Variants in TNFAIP8 observed in about 807,000 individuals in gnomAD.
TNFAIP8 encodes the protein tumor necrosis factor alpha-induced protein 8.
Under a neutral mutation model 13.3 loss-of-function variants are expected in TNFAIP8, and 7 were observed. The ratio of observed to expected loss-of-function variants is 0.52; its 90% CI spans 0.30 to 0.99. The LOEUF is 0.99. Among genes scored for constraint, TNFAIP8 ranks in the 50% least tolerant of loss-of-function variants. The pLI is 0.07. For synonymous variants in TNFAIP8, 94 were observed against 87.6 expected (o/e 1.07, Z -0.41); for missense variants, 258 against 236.9 (o/e 1.09, Z -0.58).
At chr5:119,387,610 G>A (rs1752731008) in intron 1 of TNFAIP8, among the ~76,000 whole-genome samples, 1 of 152,106 alleles carries the variant, frequency 6.6e-6, no homozygotes, top group East Asian at 1.9e-4. Context: ...AATAACAAAG[G>A]ACTTTTTTTT....
intron 1 of TNFAIP8, among the ~76,000 whole-genome samples, chr5:119,309,550 C>G (rs1017581694): frequency 2.6e-5 from 4 of 152,130 alleles, no homozygotes; most frequent in Non-Finnish European, 4.4e-5. Flanking sequence ...AAGAAGATGG[C>G]TCTCAAGACT....
chr5:119,356,696 C>G (rs748678437), intron 1 of TNFAIP8, among the ~76,000 whole-genome samples: 10 of 152,064 alleles, frequency 6.6e-5, no homozygotes, highest in Admixed American at 1.3e-4. Context: ...CCTTGTGCAG[C>G]TTGAAACTGA....
chr5:119,295,259 T>TG (rs1749139269), intron 1 of TNFAIP8, among the ~76,000 whole-genome samples: 1 of 92,490 alleles, frequency 1.1e-5, no homozygotes, highest in Non-Finnish European at 2.1e-5. Context: ...TAGTCTAACG[T>TG]TAGACCTATA....
intron 1 of TNFAIP8, among the ~76,000 whole-genome samples, chr5:119,278,399 G>A (rs977337480): frequency 3.3e-5 from 5 of 150,360 alleles, no homozygotes; most frequent in African/African-American, 1.2e-4. Context: ...GTGTGTGTGT[G>A]TGTGTGTGTG....
At chr5:119,327,953 CTTCT>C (rs1296194647) in intron 1 of TNFAIP8, among the ~76,000 whole-genome samples, 1 of 151,902 alleles carries the variant, frequency 6.6e-6, no homozygotes, top group Non-Finnish European at 1.5e-5. Flanking sequence ...AGAAAAGAAG[CTTCT>C]GCTTGAAAGT....
chr5:119,366,783 A>G (rs1751873671), intron 1 of TNFAIP8, among the ~76,000 whole-genome samples: 1 of 152,168 alleles, frequency 6.6e-6, no homozygotes, highest in Non-Finnish European at 1.5e-5. Flanking sequence ...TTAGGGGTAG[A>G]ACTGGTTTAA....
chr5:119,356,390 G>A (rs753418886), intron 1 of TNFAIP8, among the ~76,000 whole-genome samples: 2 of 151,900 alleles, frequency 1.3e-5, no homozygotes, highest in Non-Finnish European at 2.9e-5. Context: ...GCTTTCTCTG[G>A]AAACGAAAGA....
intron 1 of TNFAIP8, among the ~76,000 whole-genome samples, chr5:119,364,534 GAC>G (rs1289580285): frequency 6.6e-6 from 1 of 152,044 alleles, no homozygotes; most frequent in African/African-American, 2.4e-5. Context: ...GTTTTGTAGA[GAC>G]AAGGTCTCAC....
At position 119,369,704 on chromosome 5, in the gene TNFAIP8, T is replaced by C. The variant is rs190524155; in HGVS notation, c.31+13583T>C. On this transcript the variant is annotated intron_variant, in intron 1 of 1. Coordinates refer to ENST00000504771, the MANE Select transcript of TNFAIP8 (RefSeq NM_014350.4). ...AGTTGTATCATCCATGGTACCACAG[T>C]CTGTCAAAACCACACCAGACATTGA... Among the ~76,000 whole-genome samples, 4 of 152,334 alleles carry C rather than the reference T, an allele frequency of 2.6e-5. No homozygotes were observed. In the East Asian group the frequency reaches 7.7e-4, roughly 29 times the overall value.
intron 1 of TNFAIP8, among the ~76,000 whole-genome samples, chr5:119,332,026 G>C (rs1345104623): frequency 6.6e-6 from 1 of 152,156 alleles, no homozygotes; most frequent in East Asian, 1.9e-4. Flanking sequence ...GTCAGAATTT[G>C]GGGAGATAAC....
intron 1 of TNFAIP8, among the ~76,000 whole-genome samples, chr5:119,342,253 G>C (rs1750761949): frequency 6.6e-6 from 1 of 152,214 alleles, no homozygotes; most frequent in Non-Finnish European, 1.5e-5. Context: ...GCCTCTCAGA[G>C]ATAGCACCTT....
intron 1 of TNFAIP8, among the ~76,000 whole-genome samples, chr5:119,288,461 G>C (rs1464205849): frequency 6.6e-6 from 1 of 152,192 alleles, no homozygotes; most frequent in African/African-American, 2.4e-5. Flanking sequence ...GATGTTTGCA[G>C]CACAATCAAT....
chr5:119,382,536 G>A (rs956345181), intron 1 of TNFAIP8, among the ~76,000 whole-genome samples: 10 of 152,148 alleles, frequency 6.6e-5, no homozygotes, highest in Middle Eastern at 6.8e-3. Context: ...CCAGCAGAAC[G>A]TTTACAGTAT....
rs1020418125 is a variant in TNFAIP8, at chr5:119,333,607, C to T, written c.2-59209C>T. On this transcript the variant is annotated intron_variant, in intron 1 of 1. Coordinates refer to the TNFAIP8 transcript ENST00000274456. ...CTGTGAAGTTGTCCTTCTGATTGCA[C>T]ACGGGGAGAAAATGCTGAAACTAGG... 2.4e-5 allele frequency: 37 copies of T among 1,535,508 alleles called. No homozygotes were observed. In the African/African-American group the frequency reaches 4.5e-4, roughly 19 times the overall value.
chr5:119,391,773 A>G (rs1005000005), intron 1 of TNFAIP8, among the ~76,000 whole-genome samples: 2 of 152,078 alleles, frequency 1.3e-5, no homozygotes, highest in African/African-American at 4.8e-5. Context: ...AAAAAAAAAA[A>G]AAAAAGATTG....
At chr5:119,356,779 G>T (rs947052325) in intron 1 of TNFAIP8, among the ~76,000 whole-genome samples, 2 of 107,760 alleles carry the variant, frequency 1.9e-5, no homozygotes, top group African/African-American at 5.2e-5. Context: ...CAGGTGACAG[G>T]GCTGGAAAAG....
chr5:119,359,143 C>T (rs1751543765), intron 1 of TNFAIP8, among the ~76,000 whole-genome samples: 1 of 152,144 alleles, frequency 6.6e-6, no homozygotes, highest in African/African-American at 2.4e-5. Flanking sequence ...TGCAGAATGC[C>T]CCGCCTTCCA....
At chr5:119,291,879 A>G (rs942894740) in intron 1 of TNFAIP8, among the ~76,000 whole-genome samples, 9 of 152,230 alleles carry the variant, frequency 5.9e-5, no homozygotes, top group African/African-American at 1.9e-4. Context: ...AAGAATGAAA[A>G]TCAGGAATGC....
chr5:119,289,041 CTTAA>C (rs1451083692), intron 1 of TNFAIP8, among the ~76,000 whole-genome samples: 1 of 152,110 alleles, frequency 6.6e-6, no homozygotes, highest in East Asian at 1.9e-4. Flanking sequence ...TATGGAGGTT[CTTAA>C]TTATTTTGCT....
Sources: gnomAD v4.1 joint callset for allele counts (sites outside exome capture counted in the v4.1 genomes callset) on GRCh38, gnomAD v4.1.1 for gene constraint, MANE v1.5 for transcripts, NCBI Gene and HGNC (gene_info 2026-07-23, HGNC 2026-07-21) for gene names.